Variants in DNAH7 observed in about 807,000 individuals in gnomAD.
DNAH7 encodes dynein axonemal heavy chain 7, also known as axonemal beta dynein heavy chain 7.
A neutral mutation model predicts 444.6 loss-of-function variants in DNAH7; 397 were observed. That is an observed-to-expected ratio of 0.89 (90% confidence interval 0.82 to 0.97). DNAH7 has a LOEUF of 0.97. Among genes scored for constraint, DNAH7 ranks in the 50% least tolerant of loss-of-function variants. DNAH7 has a pLI of 0.00. For missense variants in DNAH7, 4,902 were observed against 4,800.8 expected (o/e 1.02, Z -0.62); for synonymous variants, 1,636 against 1,624.4 (o/e 1.01, Z -0.17).
In DNAH7 at chr2:195,936,780, G is replaced by A. The variant is rs371590915; in HGVS notation, c.3091C>T (p.Leu1031=). The A allele has an allele frequency of 2.0e-6, 3 of 1,517,238 alleles. No homozygotes were observed. Among genetic ancestry groups the A allele is most frequent in the Non-Finnish European group, 2.6e-6 (3 of 1,137,396 alleles). 94.0% of individuals were successfully genotyped at this position (1,517,238 alleles called of 1,614,324 possible). The change falls in exon 20 of 65, where the codon CTG becomes TTG. Residue 1031 remains leucine (L), a synonymous_variant. Transcript: ENST00000312428. ...MRSVMQDKHV[L]TVVTIDRMLE... Reference sequence around the variant, plus strand: ...ATTCTGTCAATGGTTACAACTGTCAGAACATGTTTATCCTAAAAATAAAAA... The same window carrying A: ...ATTCTGTCAATGGTTACAACTGTCAAAACATGTTTATCCTAAAAATAAAAA...
intron 63 of DNAH7, among the ~76,000 whole-genome samples, chr2:195,749,867 G>A (rs986701950): frequency 4.0e-5 from 6 of 151,454 alleles, no homozygotes; most frequent in African/African-American, 1.5e-4. Flanking sequence ...AGCTTTAGGA[G>A]ATATACCTAA....
chr2:196,024,539 T>C, intron 7 of DNAH7, 35 bp from the exon 8 acceptor site: 1 of 1,263,752 alleles, frequency 7.9e-7, no homozygotes, highest in Non-Finnish European at 1.1e-6. Context: ...ATAAATAACC[T>C]TATATTAACT....
Position 195,884,764 on chromosome 2 carries a change from T to A in DNAH7, c.5584A>T (p.Thr1862Ser). 1 of 1,613,942 alleles carries A rather than the reference T, an allele frequency of 6.2e-7. No homozygotes were observed. Among genetic ancestry groups the A allele is most frequent in the Non-Finnish European group, 8.5e-7 (1 of 1,179,994 alleles). The change falls in exon 35 of 65, where the codon ACA (threonine) becomes TCA (serine). Residue 1862 changes from threonine (T) to serine (S), a missense_variant. Transcript: ENST00000312428. ...TTAAATTTCAATCGATCATCATCTG[T>A]ACAAGAAGCACCAACGGACCAGATC... is the stretch of plus-strand genomic sequence containing the variant. ...SLIWSVGASCTDDDRLKFNKI... is the reference protein window; with the variant it reads ...SLIWSVGASCSDDDRLKFNKI...
chr2:195,972,536 T>C, intron 15 of DNAH7, 70 bp from the exon 16 acceptor site: 1 of 1,150,144 alleles, frequency 8.7e-7, no homozygotes, highest in Non-Finnish European at 1.3e-6. Context: ...CCTGCGGAAA[T>C]ACACTGTATA....
At chr2:195,785,173 A>C (rs1303125521) in intron 58 of DNAH7, among the ~76,000 whole-genome samples, 1 of 152,148 alleles carries the variant, frequency 6.6e-6, no homozygotes, top group Non-Finnish European at 1.5e-5. Flanking sequence ...GGCCTCCCAA[A>C]GTGCTGGGAT....
intron 57 of DNAH7, among the ~76,000 whole-genome samples, chr2:195,794,044 T>C (rs995027621): frequency 5.9e-5 from 9 of 152,208 alleles, no homozygotes; most frequent in Non-Finnish European, 8.8e-5. Context: ...TCTCCAACCT[T>C]GCAGATTTGT....
At chr2:196,039,806 C>CA (rs920800952) in intron 5 of DNAH7, among the ~76,000 whole-genome samples, 2 of 143,708 alleles carry the variant, frequency 1.4e-5, no homozygotes, top group African/African-American at 2.6e-5. Flanking sequence ...AAAAAAAAGA[C>CA]AAAAAAAAGA....
chr2:195,833,190 C>T (rs1698156528), intron 48 of DNAH7, among the ~76,000 whole-genome samples: 1 of 152,186 alleles, frequency 6.6e-6, no homozygotes, highest in Admixed American at 6.5e-5. Flanking sequence ...TCATGTTCCC[C>T]TTTTCTATGT....
rs1489024277 is a variant in DNAH7 at position 196,048,325 on chromosome 2, G to A, written c.221C>T (p.Pro74Leu). Reference protein sequence around the residue: ...SVKQDDESPEPFSVKNEQSHA... With the variant: ...SVKQDDESPELFSVKNEQSHA... Reference sequence around the variant, plus strand: ...GGACTGTTCATTTTTAACACTAAATGGTTCTGGACTCTCATCATCCTGCTT... The same window carrying A: ...GGACTGTTCATTTTTAACACTAAATAGTTCTGGACTCTCATCATCCTGCTT... The change falls in exon 4 of 65, where the codon CCA (proline) becomes CTA (leucine). Residue 74 changes from proline (P) to leucine (L), a missense_variant. Pro to Leu is a moderately conservative substitution (Grantham distance 98). Coordinates refer to ENST00000312428, the MANE Select transcript of DNAH7 (RefSeq NM_018897.3). 1 of 1,613,736 alleles carries A rather than the reference G, an allele frequency of 6.2e-7. No individual in the cohort carries two copies. The highest frequency in any genetic ancestry group is 1.7e-5 in the Admixed American group (1 of 59,994).
At chr2:195,988,340 GTTGTT>G in intron 12 of DNAH7, 111 bp from the exon 13 acceptor site, 2 of 1,028,304 alleles carry the variant, frequency 1.9e-6, no homozygotes, top group Non-Finnish European at 2.7e-6. Context: ...TATTCACAAG[GTTGTT>G]TTAACTGTTT....
At chr2:196,022,521 C>T (rs534705049) in intron 8 of DNAH7, among the ~76,000 whole-genome samples, 2 of 152,350 alleles carry the variant, frequency 1.3e-5, no homozygotes, top group South Asian at 4.1e-4. Context: ...TAAGAAACCA[C>T]TGTTTTTGCT....
intron 24 of DNAH7, among the ~76,000 whole-genome samples, chr2:195,914,526 T>C (rs1687551877): frequency 1.3e-5 from 2 of 152,336 alleles, no homozygotes; most frequent in African/African-American, 4.8e-5. Context: ...TACAACTGCA[T>C]TGTTCTTGGC....
At chr2:195,956,145 T>C (rs138315392) in intron 19 of DNAH7, among the ~76,000 whole-genome samples, 3 of 152,326 alleles carry the variant, frequency 2.0e-5, no homozygotes, top group East Asian at 3.9e-4. Context: ...TTTCGGATTA[T>C]AGTAACAGCT....
chr2:195,739,230 T>C (rs952911462), intron 64 of DNAH7, among the ~76,000 whole-genome samples: 2 of 152,352 alleles, frequency 1.3e-5, no homozygotes, highest in East Asian at 1.9e-4. Context: ...CTTGAAACTT[T>C]CAATTTGGGT....
At chr2:196,047,289 A>T in intron 5 of DNAH7, 63 bp downstream of exon 5, 1 of 1,380,354 alleles carries the variant, frequency 7.2e-7, no homozygotes, top group South Asian at 1.8e-5. Context: ...TAATATTCTT[A>T]GGTTAAACGT....
In DNAH7 at chr2:195,872,255, G is replaced by C; in HGVS notation, c.6628C>G (p.His2210Asp). ...TTEVIKRLWV[H>D]EVLRVYYDRL... ...TCAATAACAGGAAAATTTACCTCAT[G>C]AACCCAAAGACGTTTAATCACTTCT... The change falls in exon 40 of 65, where the codon CAT (histidine) becomes GAT (aspartate). Residue 2210 changes from histidine to aspartate, a missense_variant. By Grantham distance (81) the His-to-Asp change is moderately conservative (BLOSUM62 -1). Transcript: ENST00000312428. 1 of 1,604,994 alleles carries C rather than the reference G, an allele frequency of 6.2e-7. No individual in the cohort carries two copies. Among genetic ancestry groups the C allele is most frequent in the Non-Finnish European group, 8.5e-7 (1 of 1,174,942 alleles).
At chr2:195,787,583 T>C (rs192315196) in intron 57 of DNAH7, among the ~76,000 whole-genome samples, 3 of 152,156 alleles carry the variant, frequency 2.0e-5, no homozygotes, top group African/African-American at 7.2e-5. Flanking sequence ...ACGAGGAGAA[T>C]AGGAAACAAG....
intron 33 of DNAH7, 144 bp from the exon 34 acceptor site, chr2:195,886,416 T>C (rs570701153): frequency 3.9e-5 from 27 of 687,908 alleles, no homozygotes; most frequent in South Asian, 3.4e-4. Context: ...GGTACTATTA[T>C]TACAATTCAC....
intron 57 of DNAH7, among the ~76,000 whole-genome samples, chr2:195,789,574 C>T (rs1695779387): frequency 6.6e-6 from 1 of 151,962 alleles, no homozygotes; most frequent in Non-Finnish European, 1.5e-5. Context: ...ACTGATTATT[C>T]CTGGCAAAGG....
Sources: gnomAD v4.1 joint callset for allele counts (sites outside exome capture counted in the v4.1 genomes callset) on GRCh38, gnomAD v4.1.1 for gene constraint, MANE v1.5 for transcripts, NCBI Gene and HGNC (gene_info 2026-07-23, HGNC 2026-07-21) for gene names.